ITPR2: variants seen among roughly 807,000 people sequenced by gnomAD.
ITPR2 encodes inositol 1,4,5-trisphosphate receptor type 2, also known as inositol 1,4,5-trisphosphate-gated calcium channel ITPR2.
A neutral mutation model predicts 317.1 loss-of-function variants in ITPR2; 207 were observed. The observed-to-expected ratio is 0.65, with a 90% confidence interval of 0.58 to 0.73. ITPR2 has a LOEUF of 0.73. Among genes scored for constraint, ITPR2 ranks in the 30% least tolerant of loss-of-function variants. The pLI is 0.00. For missense variants in ITPR2, 2,613 were observed against 3,284.0 expected (o/e 0.80, Z 4.99); for synonymous variants, 1,156 against 1,149.1 (o/e 1.01, Z -0.12).
intron 2 of ITPR2, among the ~76,000 whole-genome samples, chr12:26,728,545 T>C (rs779106752): frequency 6.6e-6 from 1 of 152,146 alleles, no homozygotes; most frequent in Non-Finnish European, 1.5e-5. Flanking sequence ...GGAGAGAAGG[T>C]GGGGCACACA....
At chr12:26,419,309 G>A in intron 49 of ITPR2, 96 bp from the exon 50 acceptor site, 1 of 1,008,418 alleles carries the variant, frequency 9.9e-7, no homozygotes, top group Non-Finnish European at 1.4e-6. Context: ...TTTTGACATG[G>A]ATGAAACAAT....
chr12:26,648,698 T>C (rs550776608), intron 21 of ITPR2: 5 of 152,170 alleles, frequency 3.3e-5, no homozygotes, highest in Non-Finnish European at 7.4e-5. Flanking sequence ...GTGGTAACAT[T>C]GCTATGACTC....
Position 26,716,254 on chromosome 12 carries a change from A to C in ITPR2, c.526-12T>G, listed in dbSNP as rs1948738318. The C allele has an allele frequency of 6.4e-7, 1 of 1,564,758 alleles. No individual in the cohort carries two copies. Among genetic ancestry groups the C allele is most frequent in the East Asian group, 2.2e-5 (1 of 44,520 alleles). ...TCTCCTACAACAATCTAGGAAGCAG[A>C]AATAAATCACAATTGAGACACTGCA... On this transcript the variant is annotated splice_polypyrimidine_tract_variant and intron_variant, in intron 5 of 56. Coordinates refer to ENST00000381340, the MANE Select transcript of ITPR2 (RefSeq NM_002223.4).
At chr12:26,604,991 G>A (rs1946088629) in intron 26 of ITPR2, among the ~76,000 whole-genome samples, 1 of 151,682 alleles carries the variant, frequency 6.6e-6, no homozygotes, top group South Asian at 2.1e-4. Context: ...AGGAGGCTGA[G>A]GCAGGAGAAT....
At chr12:26,363,844 C>T (rs1034941001) in intron 55 of ITPR2, among the ~76,000 whole-genome samples, 1 of 151,926 alleles carries the variant, frequency 6.6e-6, no homozygotes, top group Non-Finnish European at 1.5e-5. Flanking sequence ...CCTAAAATCT[C>T]GACTCATGAT....
intron 43 of ITPR2, among the ~76,000 whole-genome samples, chr12:26,478,297 T>C (rs1031305661): frequency 6.6e-6 from 1 of 152,134 alleles, no homozygotes; most frequent in Admixed American, 6.6e-5. Context: ...TATTATCTTT[T>C]TCTGCTCCAT....
intron 2 of ITPR2, among the ~76,000 whole-genome samples, chr12:26,771,246 T>A (rs543796993): frequency 6.6e-6 from 1 of 152,204 alleles, no homozygotes; most frequent in South Asian, 2.1e-4. Flanking sequence ...TATATGACTA[T>A]GAGATATGAG....
chr12:26,657,707 C>G lies in ITPR2; in HGVS notation c.2192G>C (p.Arg731Thr). ...KADLEVLTYY[R>T]YQLNLFARMC... Reference sequence around the variant, plus strand: ...TGTAAGATTGTCTATAATACTTAACCTGTAATAGGTAAGAACTTCTAAGTC... The same window carrying G: ...TGTAAGATTGTCTATAATACTTAACGTGTAATAGGTAAGAACTTCTAAGTC... The change falls in exon 18 of 57, where the codon AGG becomes ACG. Residue 731 changes from arginine to threonine, a missense_variant and splice_region_variant. By Grantham distance (71) the Arg-to-Thr change is moderately conservative (BLOSUM62 -1). Coordinates refer to ENST00000381340, the MANE Select transcript of ITPR2 (RefSeq NM_002223.4). 1.2e-6 allele frequency: 2 copies of G among 1,612,912 alleles called. No homozygotes were observed. Among genetic ancestry groups the G allele is most frequent in the Non-Finnish European group, 1.7e-6 (2 of 1,179,096 alleles).
chr12:26,696,135 GAAAC>G (rs951630602), intron 9 of ITPR2, among the ~76,000 whole-genome samples: 51 of 152,282 alleles, frequency 3.3e-4, no homozygotes, highest in Non-Finnish European at 5.9e-4. Context: ...GAGGACTACT[GAAAC>G]AAACAAACAC....
At chr12:26,487,737 G>A (rs1942704782) in intron 39 of ITPR2, among the ~76,000 whole-genome samples, 1 of 152,114 alleles carries the variant, frequency 6.6e-6, no homozygotes, top group Non-Finnish European at 1.5e-5. Flanking sequence ...AGATCATCCT[G>A]TATAAACATG....
intron 10 of ITPR2, among the ~76,000 whole-genome samples, chr12:26,693,345 A>T (rs759897497): frequency 3.9e-5 from 6 of 152,230 alleles, no homozygotes; most frequent in Non-Finnish European, 7.3e-5. Context: ...TGATTAACAG[A>T]AAGAGTGAAC....
chr12:26,491,947 G>A (rs766393413), intron 39 of ITPR2, among the ~76,000 whole-genome samples: 17 of 152,166 alleles, frequency 1.1e-4, no homozygotes, highest in Non-Finnish European at 1.9e-4. Context: ...AGTCTAGAAC[G>A]TCAGTAAGTT....
chr12:26,801,782 A>G (rs1950559629), intron 1 of ITPR2, among the ~76,000 whole-genome samples: 1 of 152,066 alleles, frequency 6.6e-6, no homozygotes, highest in Admixed American at 6.6e-5. Flanking sequence ...TTTGCCAGTT[A>G]CTCACTGTAT....
rs111494769 is a variant in ITPR2, at chr12:26,336,353, T to C, written c.*3044A>G. Among the ~76,000 whole-genome samples the C allele has an allele frequency of 3.0e-4, 46 of 152,296 alleles. No individual in the cohort carries two copies. The highest frequency in any genetic ancestry group is 9.4e-4 in the African/African-American group (39 of 41,568). ...AACAGGGAGTTATGAGCTGAGAATATGGGAATAAGCACACAATTAGTTCTG... is the reference window on the plus strand; with the variant it reads ...AACAGGGAGTTATGAGCTGAGAATACGGGAATAAGCACACAATTAGTTCTG... On this transcript the variant is annotated 3_prime_UTR_variant, in exon 57 of 57. Transcript: ENST00000381340.
At chr12:26,725,889 G>C (rs1948911570) in intron 2 of ITPR2, 124 bp from the exon 3 acceptor site, 1 of 623,726 alleles carries the variant, frequency 1.6e-6, no homozygotes, top group Non-Finnish European at 2.8e-6. Flanking sequence ...AAGTCATATA[G>C]TCCGTCCTCC....
intron 15 of ITPR2, among the ~76,000 whole-genome samples, chr12:26,662,523 G>A (rs1027278983): frequency 1.3e-5 from 2 of 152,048 alleles, no homozygotes; most frequent in African/African-American, 4.8e-5. Context: ...CCTTCTTCAT[G>A]GACCAAACTC....
intron 2 of ITPR2, among the ~76,000 whole-genome samples, chr12:26,784,512 C>A (rs1053143334): frequency 6.6e-6 from 1 of 151,238 alleles, no homozygotes; most frequent in Non-Finnish European, 1.5e-5. Flanking sequence ...GACTGGTTTT[C>A]GGTTTTTTTT....
intron 36 of ITPR2, among the ~76,000 whole-genome samples, chr12:26,551,006 C>T (rs531056115): frequency 6.6e-6 from 1 of 152,028 alleles, no homozygotes; most frequent in African/African-American, 2.4e-5. Flanking sequence ...ACTGGTGCTC[C>T]GTTAGGAGAA....
At chr12:26,783,326 C>A (rs1950128503) in intron 2 of ITPR2, among the ~76,000 whole-genome samples, 2 of 152,194 alleles carry the variant, frequency 1.3e-5, no homozygotes, top group Non-Finnish European at 2.9e-5. Context: ...GAACTGGAAC[C>A]TTCAAGACCA....
Sources: gnomAD v4.1 joint callset for allele counts (sites outside exome capture counted in the v4.1 genomes callset) on GRCh38, gnomAD v4.1.1 for gene constraint, MANE v1.5 for transcripts, NCBI Gene and HGNC (gene_info 2026-07-23, HGNC 2026-07-21) for gene names.